The following NPAS3 variants were observed in gnomAD, a reference collection of about 807,000 sequenced individuals.
NPAS3 encodes neuronal PAS domain-containing protein 3.
In NPAS3, 14 loss-of-function variants were observed where a neutral mutation model predicts 73.1. The observed-to-expected ratio is 0.19, with a 90% CI of 0.13 to 0.30. NPAS3 has a LOEUF of 0.30. Ranked by LOEUF, NPAS3 falls within the 10% of genes least tolerant of loss-of-function variation. The probability of loss-of-function intolerance (pLI) is 1.00; values close to 1 mark genes in which losing one functional copy is unlikely to be tolerated. For synonymous variants in NPAS3, 620 were observed against 541.5 expected, an observed-to-expected ratio of 1.14 and a Z score of -2.01; for missense variants, 1,096 against 1,250.0, an observed-to-expected ratio of 0.88 and a Z score of 1.86.
intron 2 of NPAS3, among the ~76,000 whole-genome samples, chr14:33,207,641 T>C (rs2139631805): frequency 6.6e-6 from 1 of 152,306 alleles, no homozygotes; most frequent in East Asian, 1.9e-4. Flanking sequence ...AACAGCATTC[T>C]TTTCCACAAA....
At chr14:33,023,198 C>T (rs2039673140) in intron 1 of NPAS3, among the ~76,000 whole-genome samples, 1 of 152,132 alleles carries the variant, frequency 6.6e-6, no homozygotes, top group South Asian at 2.1e-4. Flanking sequence ...ACATCTCTGA[C>T]ACAAACGGTT....
At chr14:33,115,190 G>A (rs2043021418) in intron 2 of NPAS3, among the ~76,000 whole-genome samples, 1 of 152,202 alleles carries the variant, frequency 6.6e-6, no homozygotes, top group Non-Finnish European at 1.5e-5. Flanking sequence ...CCTGTAGACT[G>A]TGGACTGAAA....
intron 4 of NPAS3, among the ~76,000 whole-genome samples, chr14:33,427,670 G>A (rs1037241096): frequency 1.3e-5 from 2 of 151,904 alleles, no homozygotes; most frequent in African/African-American, 2.4e-5. Flanking sequence ...TACTTTGAAT[G>A]TCAATAAAAT....
intron 5 of NPAS3, among the ~76,000 whole-genome samples, chr14:33,591,568 C>T (rs1372421511): frequency 6.6e-6 from 1 of 152,190 alleles, no homozygotes; most frequent in Non-Finnish European, 1.5e-5. Context: ...TGCCTTCAAC[C>T]TCAGGTAGTG....
chr14:33,467,149 G>A (rs1381679190), intron 4 of NPAS3, among the ~76,000 whole-genome samples: 1 of 152,180 alleles, frequency 6.6e-6, no homozygotes, highest in African/African-American at 2.4e-5. Flanking sequence ...GCTCACTGGG[G>A]ATGTGCTCAA....
chr14:33,284,534 C>T (rs2041782348), intron 3 of NPAS3, among the ~76,000 whole-genome samples: 1 of 151,938 alleles, frequency 6.6e-6, no homozygotes, highest in Non-Finnish European at 1.5e-5. Context: ...TGATTTGAAG[C>T]CACAAATCTG....
intron 1 of NPAS3, among the ~76,000 whole-genome samples, chr14:32,959,656 A>T (rs1270373829): frequency 2.6e-5 from 4 of 152,198 alleles, no homozygotes. Context: ...GAGCACTTTC[A>T]CGTAGCTGCA....
At chr14:33,758,254 T>G (rs537346163) in intron 7 of NPAS3, among the ~76,000 whole-genome samples, 1 of 152,354 alleles carries the variant, frequency 6.6e-6, no homozygotes, top group East Asian at 1.9e-4. Context: ...AAAGCAGTTT[T>G]GTGTCTCTGT....
intron 3 of NPAS3, among the ~76,000 whole-genome samples, chr14:33,271,815 G>A (rs1192692310): frequency 2.0e-5 from 3 of 151,910 alleles, no homozygotes; most frequent in African/African-American, 7.3e-5. Flanking sequence ...TGTTTGACAA[G>A]CTATTTATAA....
At chr14:33,194,543 C>A (rs897645322) in intron 2 of NPAS3, among the ~76,000 whole-genome samples, 1 of 152,160 alleles carries the variant, frequency 6.6e-6, no homozygotes, top group Admixed American at 6.5e-5. Context: ...TCACTTTTAA[C>A]ATGTGGTCCA....
chr14:32,959,853 C>T (rs2036832946), intron 1 of NPAS3, among the ~76,000 whole-genome samples: 1 of 152,128 alleles, frequency 6.6e-6, no homozygotes, highest in African/African-American at 2.4e-5. Flanking sequence ...TCTATGCCCA[C>T]CTATACCCAC....
intron 3 of NPAS3, among the ~76,000 whole-genome samples, chr14:33,270,830 T>A (rs1320404094): frequency 6.6e-6 from 1 of 152,142 alleles, no homozygotes; most frequent in Non-Finnish European, 1.5e-5. Flanking sequence ...GGTCAGCCAG[T>A]TTGAGAAGTG....
At chr14:33,286,234 A>G (rs567239235) in intron 3 of NPAS3, among the ~76,000 whole-genome samples, 1 of 152,264 alleles carries the variant, frequency 6.6e-6, no homozygotes, top group African/African-American at 2.4e-5. Context: ...TCCTACATAG[A>G]TCAATATTTT....
chr14:33,267,166 T>C (rs2040855827), intron 3 of NPAS3, among the ~76,000 whole-genome samples: 1 of 152,180 alleles, frequency 6.6e-6, no homozygotes, highest in Non-Finnish European at 1.5e-5. Flanking sequence ...ATTCACATTG[T>C]ATAATTTTAA....
At chr14:33,300,998 C>A (rs2042507453) in intron 3 of NPAS3, among the ~76,000 whole-genome samples, 1 of 152,040 alleles carries the variant, frequency 6.6e-6, no homozygotes, top group African/African-American at 2.4e-5. Flanking sequence ...GAGGGGATAG[C>A]AGGTGGCTTT....
chr14:33,328,131 G>GA (rs1458253866), intron 3 of NPAS3, among the ~76,000 whole-genome samples: 6 of 151,894 alleles, frequency 4.0e-5, no homozygotes, highest in African/African-American at 1.4e-4. Flanking sequence ...AAGTTTAGTG[G>GA]AAAAAAACTT....
At chr14:33,173,553 G>GA (rs1041344180) in intron 2 of NPAS3, among the ~76,000 whole-genome samples, 11 of 151,964 alleles carry the variant, frequency 7.2e-5, no homozygotes, top group African/African-American at 2.2e-4. Flanking sequence ...TCAGCTATTT[G>GA]AAAAAAAGAT....
chr14:33,257,163 A>T (rs2048808885), intron 3 of NPAS3, among the ~76,000 whole-genome samples: 1 of 152,116 alleles, frequency 6.6e-6, no homozygotes, highest in Non-Finnish European at 1.5e-5. Context: ...CTAACAGATG[A>T]TCTTCTTCCT....
At chr14:33,687,672 C>G (rs757323696) in intron 6 of NPAS3, among the ~76,000 whole-genome samples, 1 of 152,106 alleles carries the variant, frequency 6.6e-6, no homozygotes, top group Non-Finnish European at 1.5e-5. Flanking sequence ...TTTCACAGAA[C>G]GGGAAATTTT....
Sources: gnomAD v4.1 joint callset for allele counts (sites outside exome capture counted in the v4.1 genomes callset) on GRCh38, gnomAD v4.1.1 for gene constraint, MANE v1.5 for transcripts, NCBI Gene and HGNC (gene_info 2026-07-23, HGNC 2026-07-21) for gene names.